PREX1: variants seen among roughly 807,000 people sequenced by gnomAD.
PREX1 encodes phosphatidylinositol 3,4,5-trisphosphate-dependent Rac exchanger 1 protein.
PREX1 carries 41 observed loss-of-function variants against 198.3 expected under a neutral mutation model. That is an observed-to-expected ratio of 0.21 (90% CI 0.16 to 0.27). PREX1 has a LOEUF of 0.27. Ranked by LOEUF, PREX1 falls within the 10% of genes least tolerant of loss-of-function variation. The probability of loss-of-function intolerance (pLI) is 1.00; values close to 1 mark genes in which losing one functional copy is unlikely to be tolerated. For synonymous variants in PREX1, 843 were observed against 887.2 expected (o/e 0.95, Z 0.89); for missense variants, 1,620 against 2,200.7 (o/e 0.74, Z 5.28).
the PREX1 span, among the ~76,000 whole-genome samples, chr20:48,862,137 G>A: frequency 6.6e-6 from 1 of 152,098 alleles, no homozygotes; most frequent in South Asian, 2.1e-4. Context: ...TTGAACCCAG[G>A]AGGCGAGGTT....
intron 1 of PREX1, among the ~76,000 whole-genome samples, chr20:48,758,953 G>A (rs1487298306): frequency 8.5e-5 from 13 of 152,198 alleles, no homozygotes; most frequent in South Asian, 2.1e-4. Flanking sequence ...ATTCCCCTGC[G>A]GAGGCCAAAG....
At chr20:48,784,868 A>G (rs1215334540) in intron 1 of PREX1, among the ~76,000 whole-genome samples, 1 of 151,990 alleles carries the variant, frequency 6.6e-6, no homozygotes, top group East Asian at 1.9e-4. Flanking sequence ...ATTGAAGTAT[A>G]TACTTAAAAT....
At chr20:48,779,264 A>G (rs2090277563) in intron 1 of PREX1, among the ~76,000 whole-genome samples, 1 of 152,252 alleles carries the variant, frequency 6.6e-6, no homozygotes, top group Non-Finnish European at 1.5e-5. Context: ...ATTAGCGATT[A>G]GGAGAATGTA....
At chr20:48,761,173 G>A (rs2090177704) in intron 1 of PREX1, among the ~76,000 whole-genome samples, 1 of 152,244 alleles carries the variant, frequency 6.6e-6, no homozygotes, top group African/African-American at 2.4e-5. Flanking sequence ...CATGGGCAGG[G>A]TCAACAGCCG....
At chr20:48,653,319 C>A in intron 20 of PREX1, 42 bp downstream of exon 20, 1 of 1,601,560 alleles carries the variant, frequency 6.2e-7, no homozygotes, top group South Asian at 1.1e-5. Flanking sequence ...CACCCCCACT[C>A]AGCAGGACTT....
intron 33 of PREX1, 152 bp downstream of exon 33, chr20:48,634,524 T>C (rs545727709): frequency 2.9e-5 from 18 of 615,200 alleles, no homozygotes; most frequent in Non-Finnish European, 4.4e-5. Flanking sequence ...CTCACACTCA[T>C]GTTGGAGGCA....
At chr20:48,755,477 T>C (rs535026991) in intron 1 of PREX1, among the ~76,000 whole-genome samples, 24 of 152,344 alleles carry the variant, frequency 1.6e-4, no homozygotes, top group African/African-American at 5.8e-4. Flanking sequence ...CATGGCATAT[T>C]ATGTACAACA....
chr20:48,878,620 G>A, the PREX1 span, among the ~76,000 whole-genome samples: 1 of 152,158 alleles, frequency 6.6e-6, no homozygotes, highest in African/African-American at 2.4e-5. Context: ...TTATAGGCAT[G>A]AGCCACCGCG....
rs376486112 is a variant in PREX1 at position 48,748,715 on chromosome 20, G to A, written c.220-835C>T. On this transcript the variant is annotated intron_variant, in intron 1 of 39. Coordinates refer to ENST00000371941, the MANE Select transcript of PREX1 (RefSeq NM_020820.4). ...GTGAGACGCAGTAGATGAGTGTGAC[G>A]ACACCAGGGCAGGAGTGACAGGGGC... Among the ~76,000 whole-genome samples the A allele has an allele frequency of 1.4e-4, 21 of 152,318 alleles. No homozygotes were observed. The South Asian group carries it at 1.7e-3, about 12-fold the overall frequency.
chr20:48,638,076 A>G (rs1313282044), intron 30 of PREX1, among the ~76,000 whole-genome samples: 1 of 152,150 alleles, frequency 6.6e-6, no homozygotes, highest in Non-Finnish European at 1.5e-5. Flanking sequence ...ACACACACGT[A>G]CAACCTAGAT....
At chr20:48,731,707 G>C (rs1390809018) in intron 4 of PREX1, among the ~76,000 whole-genome samples, 4 of 152,176 alleles carry the variant, frequency 2.6e-5, no homozygotes, top group Admixed American at 2.6e-4. Context: ...TCTGCACGTG[G>C]CCAAAAGCTG....
At chr20:48,876,696 A>G in the PREX1 span, among the ~76,000 whole-genome samples, 5 of 152,234 alleles carry the variant, frequency 3.3e-5, no homozygotes, top group Non-Finnish European at 5.9e-5. Flanking sequence ...TCTTGGGAAG[A>G]TGAAAAGGGG....
chr20:48,818,114 C>T (rs1294370823), intron 1 of PREX1, among the ~76,000 whole-genome samples: 1 of 152,078 alleles, frequency 6.6e-6, no homozygotes, highest in African/African-American at 2.4e-5. Flanking sequence ...TGGGAGGGAG[C>T]GCATTCCAGA....
At position 48,658,218 on chromosome 20, in the gene PREX1, T is replaced by TGGGGCAGGATCTGGGGGCCC; in HGVS notation, c.1882-10_1891dup (p.Gln631ArgfsTer25). 1 of 1,614,080 alleles carries TGGGGCAGGATCTGGGGGCCC rather than the reference T, an allele frequency of 6.2e-7. No homozygotes were observed. The highest frequency in any genetic ancestry group is 8.5e-7 in the Non-Finnish European group (1 of 1,179,972). On this transcript the variant is annotated frameshift_variant, in exon 17 of 40. Coordinates refer to ENST00000371941, the MANE Select transcript of PREX1 (RefSeq NM_020820.4). LOFTEE classifies it high-confidence loss of function. ...GATGTCAAAGCCATAGTCCTCCTCCTGGGGCAGGATCTGGGGGCCCAGGGC... is the reference window on the plus strand; with the variant it reads ...GATGTCAAAGCCATAGTCCTCCTCCTGGGGCAGGATCTGGGGGCCCGGGGCAGGATCTGGGGGCCCAGGGC...
At chr20:48,783,915 T>C (rs1385437402) in intron 1 of PREX1, among the ~76,000 whole-genome samples, 2 of 152,194 alleles carry the variant, frequency 1.3e-5, no homozygotes, top group African/African-American at 4.8e-5. Context: ...TCCATGTCTT[T>C]ATGGATCTCA....
intron 8 of PREX1, among the ~76,000 whole-genome samples, chr20:48,692,021 C>G (rs757401959): frequency 1.3e-5 from 2 of 152,176 alleles, no homozygotes; most frequent in African/African-American, 2.4e-5. Flanking sequence ...TCCACAGTAG[C>G]TGGGACCACA....
chr20:48,840,891 T>C, the PREX1 span, among the ~76,000 whole-genome samples: 1 of 152,004 alleles, frequency 6.6e-6, no homozygotes, highest in Admixed American at 6.6e-5. Flanking sequence ...GGCATGATCA[T>C]GGCTCACTGA....
chr20:48,633,768 G>A (rs531631013), intron 33 of PREX1, among the ~76,000 whole-genome samples: 6 of 152,214 alleles, frequency 3.9e-5, no homozygotes, highest in African/African-American at 7.2e-5. Context: ...CCCACAAACC[G>A]ATCAGAATCG....
intron 1 of PREX1, among the ~76,000 whole-genome samples, chr20:48,789,797 C>T (rs2090329671): frequency 6.6e-6 from 1 of 151,794 alleles, no homozygotes; most frequent in South Asian, 2.1e-4. Context: ...GAGTATATTG[C>T]AGGAAATACT....
Sources: allele counts gnomAD v4.1 joint callset (sites outside exome capture counted in the v4.1 genomes callset), GRCh38; gene constraint gnomAD v4.1.1; transcripts MANE v1.5; gene names NCBI Gene and HGNC (gene_info 2026-07-23, HGNC 2026-07-21).